Variants in C1QTNF7 observed in about 807,000 individuals in gnomAD.
C1QTNF7 encodes the protein C1q and TNF related 7.
C1QTNF7 carries 15 observed loss-of-function variants against 19.6 expected under a neutral mutation model. The observed-to-expected ratio is 0.76, with a 90% CI of 0.51 to 1.18. The LOEUF is 1.18. C1QTNF7 is among the 50% of genes most tolerant of loss of function. The pLI, the probability that C1QTNF7 is intolerant of heterozygous loss-of-function variation, is 0.00. For synonymous variants in C1QTNF7, 142 were observed against 137.5 expected (o/e 1.03, Z -0.23); for missense variants, 324 against 359.7 (o/e 0.90, Z 0.80).
chr4:15,416,410 T>C (rs892115898), intron 1 of C1QTNF7, among the ~76,000 whole-genome samples: 5 of 152,332 alleles, frequency 3.3e-5, no homozygotes, highest in Admixed American at 1.3e-4. Context: ...CTTAGGCATG[T>C]TCCTCATTTG....
intron 1 of C1QTNF7, among the ~76,000 whole-genome samples, chr4:15,373,555 C>T (rs1382156026): frequency 5.9e-5 from 9 of 152,178 alleles, no homozygotes; most frequent in African/African-American, 2.2e-4. Flanking sequence ...GGACAGGGAT[C>T]ACATACCCAG....
At chr4:15,380,796 A>G (rs1394286131) in intron 1 of C1QTNF7, among the ~76,000 whole-genome samples, 1 of 152,158 alleles carries the variant, frequency 6.6e-6, no homozygotes, top group African/African-American at 2.4e-5. Flanking sequence ...TTAGCCAGGC[A>G]TGGTGGCAGA....
At chr4:15,349,401 A>T (rs138572535) in intron 1 of C1QTNF7, among the ~76,000 whole-genome samples, 1 of 152,168 alleles carries the variant, frequency 6.6e-6, no homozygotes, top group Non-Finnish European at 1.5e-5. Context: ...GGCCTAGCAC[A>T]GTGCCCGGGA....
At chr4:15,417,638 T>C (rs1033029423) in intron 1 of C1QTNF7, among the ~76,000 whole-genome samples, 2 of 152,150 alleles carry the variant, frequency 1.3e-5, no homozygotes, top group African/African-American at 2.4e-5. Flanking sequence ...ACACCTGTGA[T>C]TGCAGATACT....
intron 1 of C1QTNF7, among the ~76,000 whole-genome samples, chr4:15,359,622 C>G (rs761613300): frequency 6.6e-6 from 1 of 152,112 alleles, no homozygotes; most frequent in Non-Finnish European, 1.5e-5. Flanking sequence ...GGTTTTCTCC[C>G]AAAAACAGGG....
intron 1 of C1QTNF7, among the ~76,000 whole-genome samples, chr4:15,373,383 T>C (rs945000865): frequency 1.3e-5 from 2 of 152,226 alleles, no homozygotes; most frequent in African/African-American, 2.4e-5. Context: ...CTTAATATTA[T>C]CACATTGGAT....
Position 15,435,948 on chromosome 4 carries a change from A to G in C1QTNF7, c.205A>G (p.Arg69Gly), listed in dbSNP as rs765811359. The G allele has an allele frequency of 6.2e-7, 1 of 1,614,034 alleles. No individual in the cohort carries two copies. Residue 69 changes from arginine (R) to glycine (G), a missense_variant, in exon 2 of 3, where the codon AGG (arginine) becomes GGG (glycine). Physicochemically the swap from Arg to Gly is moderately radical, Grantham distance 125. Coordinates refer to ENST00000444304, the MANE Select transcript of C1QTNF7 (RefSeq NM_031911.5). ...TCCAGGAAGAGATGGTAGAGACGGC[A>G]GGAAAGGAGAGAAAGGTGAAAAGGG... is the stretch of plus-strand genomic sequence containing the variant. The part of the protein sequence containing the change: ...GLPGRDGRDG[R>G]KGEKGEKGTA...
At chr4:15,433,338 G>T (rs533654847) in intron 1 of C1QTNF7, among the ~76,000 whole-genome samples, 1 of 151,918 alleles carries the variant, frequency 6.6e-6, no homozygotes, top group African/African-American at 2.4e-5. Context: ...GGGGAGGGGG[G>T]TGACTTTATT....
Position 15,362,076 on chromosome 4 carries a change from G to A in C1QTNF7, c.13+21869G>A, listed in dbSNP as rs972099785. Among the ~76,000 whole-genome samples the A allele has an allele frequency of 2.6e-5, 4 of 152,222 alleles. No individual in the cohort carries two copies. In the South Asian group the frequency reaches 6.2e-4, roughly 24 times the overall value. On this transcript the variant is annotated intron_variant, in intron 1 of 2. Transcript: ENST00000295297. ...GGATTTGGGCAAGTCAATTAAGCTC[G>A]CTATTCCCCAGTTTTCTCTAAAATG... is the stretch of plus-strand genomic sequence containing the variant.
At chr4:15,348,282 T>C (rs1716784616) in intron 1 of C1QTNF7, among the ~76,000 whole-genome samples, 1 of 152,106 alleles carries the variant, frequency 6.6e-6, no homozygotes, top group Non-Finnish European at 1.5e-5. Context: ...ACAATTTCAG[T>C]GGAGATGAAA....
upstream of C1QTNF7, among the ~76,000 whole-genome samples, chr4:15,425,544 G>A (rs1712002234): frequency 6.6e-6 from 1 of 152,176 alleles, no homozygotes; most frequent in African/African-American, 2.4e-5. Context: ...CCCATGGAGA[G>A]GAGGAGGAAG....
chr4:15,435,640 A>C, intron 1 of C1QTNF7, 96 bp from the exon 2 acceptor site: 2 of 1,526,020 alleles, frequency 1.3e-6, no homozygotes, highest in Non-Finnish European at 1.8e-6. Flanking sequence ...GATTTGTTGC[A>C]AATGCACATT....
In C1QTNF7 at chr4:15,435,993, G is replaced by C. The variant is rs1712522607; in HGVS notation, c.238+12G>C. On this transcript the variant is annotated intron_variant, in intron 2 of 2. Coordinates refer to ENST00000444304, the MANE Select transcript of C1QTNF7 (RefSeq NM_031911.5). ...AAAGGGAACTGCAGGTAATGAATGA[G>C]AAGTTGCATAAAACACCCTCCTTCA... The C allele has an allele frequency of 3.1e-6, 5 of 1,608,556 alleles. No homozygotes were observed. In the African/African-American group the frequency reaches 6.7e-5, roughly 22 times the overall value.
intron 1 of C1QTNF7, among the ~76,000 whole-genome samples, chr4:15,392,610 G>A (rs978744748): frequency 2.0e-5 from 3 of 152,182 alleles, no homozygotes; most frequent in Non-Finnish European, 4.4e-5. Flanking sequence ...ACTTCTCTTT[G>A]CGTGGAATGA....
intron 1 of C1QTNF7, among the ~76,000 whole-genome samples, chr4:15,360,836 G>A (rs562178611): frequency 2.6e-5 from 4 of 152,080 alleles, no homozygotes; most frequent in Non-Finnish European, 5.9e-5. Context: ...AAACAACGAG[G>A]ACTTTTTCTA....
intron 1 of C1QTNF7, among the ~76,000 whole-genome samples, chr4:15,394,997 G>A (rs2108902727): frequency 6.6e-6 from 1 of 152,282 alleles, no homozygotes; most frequent in African/African-American, 2.4e-5. Flanking sequence ...ACAGACTAAT[G>A]CCATTGAAAG....
intron 1 of C1QTNF7, among the ~76,000 whole-genome samples, chr4:15,364,792 T>C (rs1165231310): frequency 6.6e-6 from 1 of 152,198 alleles, no homozygotes; most frequent in East Asian, 1.9e-4. Flanking sequence ...GCACATGGGA[T>C]GATCATGACA....
rs1198741928 is a variant in C1QTNF7 at position 15,393,962 on chromosome 4, A to AC, written c.14-41774_14-41773insC. Among the ~76,000 whole-genome samples, 370 of 117,240 alleles carry AC rather than the reference A, an allele frequency of 3.2e-3. 2 individuals carry two copies. Among genetic ancestry groups the AC allele is most frequent in the African/African-American group, 0.013 (359 of 26,866 alleles). The allele number at this position is 117,240 out of a possible 152,430, so 76.9% of individuals were successfully genotyped here. The stretch of plus-strand genomic sequence containing the variant: ...CCTACATCGTATAGTGACTGCATTA[A>AC]GGGGGAAGTAAGGGCAGAGGGGGTG... On this transcript the variant is annotated intron_variant, in intron 1 of 2. Coordinates refer to the C1QTNF7 transcript ENST00000295297.
At chr4:15,435,687 C>T in intron 1 of C1QTNF7, 49 bp from the exon 2 acceptor site, 1 of 1,602,398 alleles carries the variant, frequency 6.2e-7, no homozygotes, top group South Asian at 1.1e-5. Flanking sequence ...CCAAACCACA[C>T]CCCTCCCAAC....
Sources: gnomAD v4.1 joint callset for allele counts (sites outside exome capture counted in the v4.1 genomes callset) on GRCh38, gnomAD v4.1.1 for gene constraint, MANE v1.5 for transcripts, NCBI Gene and HGNC (gene_info 2026-07-23, HGNC 2026-07-21) for gene names.